The following UBXN2B variants were observed in gnomAD, a reference collection of about 807,000 sequenced individuals.
UBXN2B encodes UBX domain protein 2B.
UBXN2B carries 19 observed loss-of-function variants against 37.5 expected under a neutral mutation model. The observed-to-expected ratio is 0.51, with a 90% CI of 0.35 to 0.74. UBXN2B has a LOEUF of 0.74. Among genes scored for constraint, UBXN2B ranks in the 30% least tolerant of loss-of-function variants. UBXN2B has a pLI of 0.01. For missense variants in UBXN2B, 370 were observed against 393.2 expected, an observed-to-expected ratio of 0.94 and a Z score of 0.50; for synonymous variants, 145 against 143.8, an observed-to-expected ratio of 1.01 and a Z score of -0.06.
chr8:58,437,248 C>G (rs933893384), intron 5 of UBXN2B, among the ~76,000 whole-genome samples: 2 of 151,524 alleles, frequency 1.3e-5, no homozygotes, highest in Non-Finnish European at 2.9e-5. Flanking sequence ...TGCGTTGTGT[C>G]CATACCCTAA....
intron 7 of UBXN2B, among the ~76,000 whole-genome samples, chr8:58,446,321 T>A (rs1396879291): frequency 6.6e-6 from 1 of 152,168 alleles, no homozygotes; most frequent in Non-Finnish European, 1.5e-5. Flanking sequence ...CAAAAATAAA[T>A]TAAGAACTAT....
chr8:58,441,403 A>G (rs892678352), intron 6 of UBXN2B, among the ~76,000 whole-genome samples: 1 of 118,734 alleles, frequency 8.4e-6, no homozygotes, highest in Admixed American at 7.9e-5. Context: ...GTGTATATAT[A>G]GTATGTATGT....
intron 2 of UBXN2B, among the ~76,000 whole-genome samples, chr8:58,417,633 C>T (rs568061725): frequency 6.6e-6 from 1 of 152,296 alleles, no homozygotes; most frequent in South Asian, 2.1e-4. Context: ...CTTTTTAGTA[C>T]TGTAAATACC....
At chr8:58,418,807 C>G (rs1449135649) in intron 2 of UBXN2B, among the ~76,000 whole-genome samples, 2 of 152,190 alleles carry the variant, frequency 1.3e-5, no homozygotes, top group South Asian at 2.1e-4. Flanking sequence ...TTTTTAGCTG[C>G]TTCTTTAATT....
chr8:58,438,660 A>G (rs569480935), intron 5 of UBXN2B, among the ~76,000 whole-genome samples: 4 of 152,310 alleles, frequency 2.6e-5, no homozygotes, highest in South Asian at 2.1e-4. Context: ...TTAATTTTTT[A>G]TCTTACAGGA....
In UBXN2B at chr8:58,434,133, T is replaced by A. The variant is rs573279953; in HGVS notation, c.424-262T>A. ...CAATAATTGTACTTCGAGGCCAGGG[T>A]CCACCTGCAGGACCTTTGGTATTTG... is the stretch of plus-strand genomic sequence containing the variant. On this transcript the variant is annotated intron_variant, in intron 4 of 7. Transcript: ENST00000399598. Among the ~76,000 whole-genome samples, 4 of 152,252 alleles carry A rather than the reference T, an allele frequency of 2.6e-5. No homozygotes were observed. The East Asian group carries it at 7.7e-4, about 29-fold the overall frequency.
chr8:58,413,133 ATT>A (rs1164328698), intron 1 of UBXN2B, among the ~76,000 whole-genome samples: 6 of 152,324 alleles, frequency 3.9e-5, no homozygotes, highest in African/African-American at 1.4e-4. Context: ...GATGTTGCTA[ATT>A]GTGAGAATGC....
At chr8:58,441,732 C>T (rs942021898) in intron 6 of UBXN2B, among the ~76,000 whole-genome samples, 1 of 151,766 alleles carries the variant, frequency 6.6e-6, no homozygotes, top group African/African-American at 2.4e-5. Flanking sequence ...CCTTATAAGG[C>T]AAATAGAGAA....
At chr8:58,426,454 C>T (rs1427359658) in intron 2 of UBXN2B, 12 of 664,212 alleles carry the variant, frequency 1.8e-5, no homozygotes, top group Admixed American at 5.7e-5. Flanking sequence ...GTGATCCGCC[C>T]TCCTCAGCCT....
intron 2 of UBXN2B, chr8:58,425,600 C>T: frequency 9.4e-7 from 1 of 1,066,390 alleles, no homozygotes; most frequent in Non-Finnish European, 1.5e-6. Context: ...AGTATGCACT[C>T]CTGTTGTTGT....
intron 3 of UBXN2B, among the ~76,000 whole-genome samples, chr8:58,432,285 G>A (rs918742963): frequency 6.8e-6 from 1 of 146,014 alleles, no homozygotes; most frequent in Non-Finnish European, 1.5e-5. Flanking sequence ...AGAGTTTATT[G>A]TTTTGCTTAT....
chr8:58,425,030 G>A (rs527333162), intron 2 of UBXN2B: 9 of 781,876 alleles, frequency 1.2e-5, no homozygotes, highest in Admixed American at 1.7e-5. Flanking sequence ...TGCATGATGC[G>A]TTCCTGCTTA....
Position 58,411,409 on chromosome 8 carries a change from G to T in UBXN2B, c.24G>T (p.Glu8Asp), listed in dbSNP as rs948427869. 46 of 1,270,328 alleles carry T rather than the reference G, an allele frequency of 3.6e-5. No individual in the cohort carries two copies. The highest frequency in any genetic ancestry group is 1.3e-4 in the East Asian group (4 of 31,786). The allele number at this position is 1,270,328 out of a possible 1,614,324, so 78.7% of individuals were successfully genotyped here. Reference protein sequence around the residue: MAEGGGPEPGEQERRSSG... With the variant: MAEGGGPDPGEQERRSSG... ...AGATGGCGGAGGGCGGAGGCCCTGA[G>T]CCCGGCGAGCAGGAGAGGAGGTCTT... is the stretch of plus-strand genomic sequence containing the variant. Residue 8 changes from glutamate (E) to aspartate (D), a missense_variant, in exon 1 of 8, where the codon GAG (glutamate) becomes GAT (aspartate). Physicochemically the swap from Glu to Asp is conservative, Grantham distance 45. This residue lies in a region of UBXN2B where 197 missense variants were observed against 170.2 expected (regional missense o/e 1.16). Coordinates refer to ENST00000399598, the MANE Select transcript of UBXN2B (RefSeq NM_001077619.2).
At chr8:58,445,349 G>A (rs115546921) in intron 6 of UBXN2B, among the ~76,000 whole-genome samples, 83 of 152,282 alleles carry the variant, frequency 5.5e-4, no homozygotes, top group African/African-American at 1.8e-3. Context: ...AGCAGTGCTT[G>A]AATCAGATGT....
rs1156637273 is a variant in UBXN2B, at chr8:58,418,774, C to A, written c.188+1821C>A. ...TCCTATTCTTTCATTTAATTCTTAC[C>A]TTTATACATATAAAATACTGTATTT... On this transcript the variant is annotated intron_variant, in intron 2 of 7. Transcript: ENST00000399598. Among the ~76,000 whole-genome samples, 4 of 152,212 alleles carry A rather than the reference C, an allele frequency of 2.6e-5. No homozygotes were observed. In the South Asian group the frequency reaches 6.2e-4, roughly 24 times the overall value.
intron 2 of UBXN2B, among the ~76,000 whole-genome samples, chr8:58,419,199 A>C (rs989284983): frequency 1.3e-5 from 2 of 152,184 alleles, no homozygotes; most frequent in South Asian, 4.1e-4. Flanking sequence ...TGTATAGCAG[A>C]TTGTTCGCAA....
rs190997696 is a variant in UBXN2B at position 58,411,483 on chromosome 8, C to A, written c.84+14C>A. 6.4e-4 allele frequency: 802 copies of A among 1,249,582 alleles called. 4 individuals are homozygous for A. In the African/African-American group the frequency reaches 0.011, roughly 17 times the overall value. The allele number at this position is 1,249,582 out of a possible 1,614,324, so 77.4% of individuals were successfully genotyped here. A position where few individuals can be genotyped will look rare whatever the true frequency, so the allele number is the denominator to read the frequency against. ...CGGGATTTGCAGGTGAGGCGAGGAG[C>A]CGGGGGAGGGAGCGCGGCGGTGGAC... On this transcript the variant is annotated intron_variant, in intron 1 of 7. Coordinates refer to ENST00000399598, the MANE Select transcript of UBXN2B (RefSeq NM_001077619.2).
intron 2 of UBXN2B, 87 bp from the exon 3 acceptor site, chr8:58,430,432 C>G (rs1808243363): frequency 1.0e-6 from 1 of 959,842 alleles, no homozygotes; most frequent in African/African-American, 1.7e-5. Context: ...AAATAAAATA[C>G]TTTTATTTTC....
In UBXN2B at chr8:58,435,016, A is replaced by C. The variant is rs1019795152; in HGVS notation, c.533+512A>C. 8 of 1,502,664 alleles carry C rather than the reference A, an allele frequency of 5.3e-6. No homozygotes were observed. The African/African-American group carries it at 1.1e-4, about 21-fold the overall frequency. 93.1% of individuals were successfully genotyped at this position (1,502,664 alleles called of 1,614,324 possible). On this transcript the variant is annotated intron_variant, in intron 5 of 7. Coordinates refer to ENST00000399598, the MANE Select transcript of UBXN2B (RefSeq NM_001077619.2). The stretch of plus-strand genomic sequence containing the variant: ...CAGTGCTCTCACCCATCCAAAGAAC[A>C]TTGTAACTTACCAGCTCTTCTTGCT...
Sources: gnomAD v4.1 joint callset for allele counts (sites outside exome capture counted in the v4.1 genomes callset) on GRCh38, gnomAD v4.1.1 for gene constraint, gnomAD v4.1.1 regional missense constraint, MANE v1.5 for transcripts, NCBI Gene and HGNC (gene_info 2026-07-23, HGNC 2026-07-21) for gene names.